The following PRKCE variants were observed in gnomAD, a reference collection of about 807,000 sequenced individuals.
PRKCE encodes the protein protein kinase C epsilon, also known as protein kinase C epsilon type.
PRKCE carries 16 observed loss-of-function variants against 85.4 expected under a neutral mutation model. The observed-to-expected ratio is 0.19, with a 90% CI of 0.13 to 0.28. The LOEUF (loss-of-function observed/expected upper bound fraction) is 0.28. Ranked by LOEUF, PRKCE falls within the 10% of genes least tolerant of loss-of-function variation. PRKCE has a pLI of 1.00. For synonymous variants in PRKCE, 388 were observed against 371.5 expected (o/e 1.04, Z -0.51); for missense variants, 573 against 975.2 (o/e 0.59, Z 5.49).
intron 2 of PRKCE, among the ~76,000 whole-genome samples, chr2:45,914,051 T>A (rs781672209): frequency 6.6e-6 from 1 of 152,250 alleles, no homozygotes; most frequent in Non-Finnish European, 1.5e-5. Context: ...GTTAACAATG[T>A]CAAGAGCTCT....
intron 1 of PRKCE, among the ~76,000 whole-genome samples, chr2:45,816,861 T>A (rs1689088858): frequency 6.6e-6 from 1 of 152,188 alleles, no homozygotes; most frequent in African/African-American, 2.4e-5. Flanking sequence ...GGGATCGGCT[T>A]AATTCCTTTT....
chr2:46,120,784 T>C (rs560533487), intron 11 of PRKCE, among the ~76,000 whole-genome samples: 9 of 152,316 alleles, frequency 5.9e-5, no homozygotes, highest in Admixed American at 3.9e-4. Context: ...ATGCCACCCA[T>C]GTTTCAAAAA....
chr2:46,181,090 C>T (rs932712803), intron 14 of PRKCE, among the ~76,000 whole-genome samples: 1 of 152,202 alleles, frequency 6.6e-6, no homozygotes, highest in Non-Finnish European at 1.5e-5. Flanking sequence ...GAGCCTGCCC[C>T]TCAGAATCTT....
intron 2 of PRKCE, among the ~76,000 whole-genome samples, chr2:45,926,465 G>A (rs766128274): frequency 1.8e-4 from 27 of 152,274 alleles, no homozygotes; most frequent in East Asian, 3.9e-4. Flanking sequence ...TGGTAATGGC[G>A]GTGATAGTGG....
intron 1 of PRKCE, among the ~76,000 whole-genome samples, chr2:45,753,281 C>A (rs1357540625): frequency 6.6e-6 from 1 of 152,166 alleles, no homozygotes; most frequent in African/African-American, 2.4e-5. Flanking sequence ...CTGGGCCTGA[C>A]AATGTGCGTT....
In PRKCE at chr2:46,004,404, A is replaced by T; in HGVS notation, c.967-138A>T. ...TTTTGGCTACTTTGGCGATGGCTGC[A>T]AGAGGACAGAGATCTACTGAATTCC... On this transcript the variant is annotated intron_variant, in intron 7 of 14. Transcript: ENST00000306156. The surrounding 1 kb of genome is among the most constrained non-coding windows in gnomAD (Gnocchi z 4.1). 1 of 733,298 alleles carries T rather than the reference A, an allele frequency of 1.4e-6. No homozygotes were observed. The highest frequency in any genetic ancestry group is 2.3e-6 in the Non-Finnish European group (1 of 441,298). 45.4% of individuals were successfully genotyped at this position (733,298 alleles called of 1,614,324 possible).
chr2:45,875,901 G>T (rs1351530558), intron 2 of PRKCE, among the ~76,000 whole-genome samples: 1 of 152,204 alleles, frequency 6.6e-6, no homozygotes, highest in Non-Finnish European at 1.5e-5. Flanking sequence ...CAGATGTCCA[G>T]TCCTCAGAAA....
chr2:46,087,553 G>C (rs1369923920), intron 11 of PRKCE, among the ~76,000 whole-genome samples: 1 of 152,174 alleles, frequency 6.6e-6, no homozygotes, highest in East Asian at 1.9e-4. Context: ...ATTTCCTAGA[G>C]CCCATATAAT....
intron 2 of PRKCE, among the ~76,000 whole-genome samples, chr2:45,902,215 C>G (rs1270443984): frequency 6.6e-6 from 1 of 152,184 alleles, no homozygotes; most frequent in Non-Finnish European, 1.5e-5. Flanking sequence ...CATCTCTCAT[C>G]TCTCGTAGTG....
chr2:45,949,512 G>A (rs1346133588), intron 2 of PRKCE, among the ~76,000 whole-genome samples: 1 of 139,062 alleles, frequency 7.2e-6, no homozygotes, highest in East Asian at 2.1e-4. Flanking sequence ...GTCTTTTCTC[G>A]GTATCTTTTT....
chr2:45,912,286 A>G (rs948676321), intron 2 of PRKCE, among the ~76,000 whole-genome samples: 2 of 152,138 alleles, frequency 1.3e-5, no homozygotes, highest in Non-Finnish European at 2.9e-5. Context: ...CTGGAGCTAA[A>G]TGGCTAATCA....
At chr2:45,932,131 T>C (rs1216410950) in intron 2 of PRKCE, among the ~76,000 whole-genome samples, 1 of 152,176 alleles carries the variant, frequency 6.6e-6, no homozygotes, top group East Asian at 1.9e-4. Context: ...TTCTTGACTC[T>C]CAAGAACGTG....
At chr2:45,678,585 G>A (rs2103906266) in intron 1 of PRKCE, among the ~76,000 whole-genome samples, 1 of 151,418 alleles carries the variant, frequency 6.6e-6, no homozygotes, top group Non-Finnish European at 1.5e-5. Flanking sequence ...TTATAGATAA[G>A]AGGTTAGAAG....
At chr2:45,819,018 T>A (rs1178108553) in intron 1 of PRKCE, among the ~76,000 whole-genome samples, 1 of 152,156 alleles carries the variant, frequency 6.6e-6, no homozygotes, top group African/African-American at 2.4e-5. Context: ...GCGTGGAGCC[T>A]CCTGAGACAG....
At chr2:45,813,732 G>A (rs951430362) in intron 1 of PRKCE, among the ~76,000 whole-genome samples, 1 of 152,168 alleles carries the variant, frequency 6.6e-6, no homozygotes, top group Non-Finnish European at 1.5e-5. Context: ...GACCGAGCAG[G>A]GTCTAAATTG....
At chr2:45,959,508 A>C (rs1701236914) in intron 2 of PRKCE, among the ~76,000 whole-genome samples, 1 of 152,178 alleles carries the variant, frequency 6.6e-6, no homozygotes, top group African/African-American at 2.4e-5. Context: ...TAAAAAACAG[A>C]AGCATTAATT....
chr2:45,663,053 C>T (rs1040821429), intron 1 of PRKCE, among the ~76,000 whole-genome samples: 1 of 152,062 alleles, frequency 6.6e-6, no homozygotes, highest in Non-Finnish European at 1.5e-5. Context: ...GGAGTGGGAG[C>T]CTTATTTATT....
rs909741237 is a variant in PRKCE at position 45,700,003 on chromosome 2, G to A, written c.348+47555G>A. ...TCCTGTGATTTCTAGGTGTAAATTG[G>A]GCTGTTGAGGGGAGGCAGTGGCCAG... On this transcript the variant is annotated intron_variant, in intron 1 of 14. Coordinates refer to ENST00000306156, the MANE Select transcript of PRKCE (RefSeq NM_005400.3). 1.9e-4 allele frequency among the ~76,000 whole-genome samples: 29 copies of A among 152,260 alleles called. 1 individual carries two copies. Among genetic ancestry groups the A allele is most frequent in the Non-Finnish European group, 3.5e-4 (24 of 68,022 alleles).
chr2:45,826,975 G>A (rs10175198), intron 1 of PRKCE, among the ~76,000 whole-genome samples: 94,977 of 152,004 alleles, frequency 0.62, 30,812 homozygotes, highest in African/African-American at 0.8. Context: ...ATGGGTGCCT[G>A]AAGTTTATTC....
Sources: gnomAD v4.1 joint callset for allele counts (sites outside exome capture counted in the v4.1 genomes callset) on GRCh38, gnomAD v4.1.1 for gene constraint, Gnocchi (gnomAD v3.1) non-coding constraint, MANE v1.5 for transcripts, NCBI Gene and HGNC (gene_info 2026-07-23, HGNC 2026-07-21) for gene names.